The following RYR3 variants were observed in gnomAD, a reference collection of about 807,000 sequenced individuals.
RYR3 encodes brain ryanodine receptor-calcium release channel.
Under a neutral mutation model 584.3 loss-of-function variants are expected in RYR3, and 207 were observed. The ratio of observed to expected loss-of-function variants is 0.35; its 90% CI spans 0.32 to 0.40. The LOEUF is 0.40. Ranked by LOEUF, RYR3 falls within the 10% of genes least tolerant of loss-of-function variation. RYR3 has a pLI of 1.00. For missense variants in RYR3, 5,616 were observed against 6,089.2 expected (o/e 0.92, Z 2.59); for synonymous variants, 2,416 against 2,248.5 (o/e 1.07, Z -2.11).
intron 98 of RYR3, among the ~76,000 whole-genome samples, chr15:33,856,989 G>C (rs1418496472): frequency 6.6e-6 from 1 of 152,078 alleles, no homozygotes; most frequent in Non-Finnish European, 1.5e-5. Context: ...CATTAGAGTA[G>C]AAGCTACATT....
At chr15:33,710,487 G>A (rs1401712445) in intron 43 of RYR3, among the ~76,000 whole-genome samples, 1 of 152,000 alleles carries the variant, frequency 6.6e-6, no homozygotes, top group African/African-American at 2.4e-5. Context: ...GGGACTATAG[G>A]CATGCCAGTG....
At chr15:33,845,994 A>C (rs1204716611) in intron 93 of RYR3, among the ~76,000 whole-genome samples, 1 of 152,204 alleles carries the variant, frequency 6.6e-6, no homozygotes, top group South Asian at 2.1e-4. Flanking sequence ...GCTGGGCTGG[A>C]ATGGCCAAGA....
chr15:33,628,374 G>A, intron 20 of RYR3, 97 bp from the exon 21 acceptor site: 2 of 772,274 alleles, frequency 2.6e-6, no homozygotes, highest in Non-Finnish European at 4.4e-6. Flanking sequence ...AGCTCCTCCT[G>A]GGTGATGTGC....
In RYR3 at chr15:33,738,567, A is replaced by C. The variant is rs761972960; in HGVS notation, c.7633A>C (p.Ile2545Leu). 1 of 1,613,832 alleles carries C rather than the reference A, an allele frequency of 6.2e-7. No homozygotes were observed. Among genetic ancestry groups the C allele is most frequent in the Non-Finnish European group, 8.5e-7 (1 of 1,179,860 alleles). ...CCTAACGGAGAAGCTTTTCTGGGGG[A>C]TTTTTGACTCGCTCTCCCATAAGGT... ...LHLTEKLFWGIFDSLSHKKYD... is the reference protein window; with the variant it reads ...LHLTEKLFWGLFDSLSHKKYD... Residue 2545 changes from isoleucine (I) to leucine (L), a missense_variant, in exon 50 of 104, where the codon ATT (isoleucine) becomes CTT (leucine). Ile to Leu is a conservative substitution (Grantham distance 5). Coordinates refer to ENST00000634891, the MANE Select transcript of RYR3 (RefSeq NM_001036.6).
intron 94 of RYR3, chr15:33,852,154 C>G (rs556054807): frequency 1.3e-5 from 2 of 151,842 alleles, no homozygotes; most frequent in African/African-American, 4.8e-5. Flanking sequence ...GTTCTAGAAC[C>G]AAAAAGAATG....
Position 33,788,680 on chromosome 15 carries a change from C to T in RYR3, c.9830+222C>T, listed in dbSNP as rs566245716. Among the ~76,000 whole-genome samples the T allele has an allele frequency of 6.8e-4, 103 of 152,354 alleles. 1 individual carries two copies. In the South Asian group the frequency reaches 0.021, roughly 31 times the overall value. ...GTATGGTCTGTGACATGGCCATCTC[C>T]TCCATCCTTACGGGCTACCACAGGT... On this transcript the variant is annotated intron_variant, in intron 67 of 103. Coordinates refer to ENST00000634891, the MANE Select transcript of RYR3 (RefSeq NM_001036.6).
At chr15:33,789,114 G>A (rs1314204431) in intron 67 of RYR3, among the ~76,000 whole-genome samples, 4 of 152,104 alleles carry the variant, frequency 2.6e-5, no homozygotes, top group Non-Finnish European at 4.4e-5. Context: ...AGAAAAAAGT[G>A]CGTTTGGGAT....
At chr15:33,382,738 GTA>G (rs1288568049) in intron 1 of RYR3, among the ~76,000 whole-genome samples, 1 of 152,060 alleles carries the variant, frequency 6.6e-6, no homozygotes, top group Non-Finnish European at 1.5e-5. Flanking sequence ...GTAAAATGTT[GTA>G]TATGACATAT....
rs914695194 is a variant in RYR3 at position 33,646,295 on chromosome 15, C to T, written c.3766-56C>T. ...TGCATGTCCACGAGGGAAAAAGGGA[C>T]TGGGTCAAGGTCAGGCCCTTTGGTA... On this transcript the variant is annotated intron_variant, in intron 28 of 103. Transcript: ENST00000634891. The T allele has an allele frequency of 4.7e-6, 7 of 1,474,466 alleles. No homozygotes were observed. The Admixed American group carries it at 1.2e-4, about 26-fold the overall frequency. The allele number at this position is 1,474,466 out of a possible 1,614,324, so 91.3% of individuals were successfully genotyped here. A position where few individuals can be genotyped will look rare whatever the true frequency, so the allele number is the denominator to read the frequency against.
chr15:33,445,996 C>A (rs1178905610), intron 1 of RYR3, among the ~76,000 whole-genome samples: 1 of 152,118 alleles, frequency 6.6e-6, no homozygotes, highest in Non-Finnish European at 1.5e-5. Context: ...CATGAACTCT[C>A]AGGAGTGGCT....
At chr15:33,723,545 C>T (rs2068105367) in intron 44 of RYR3, among the ~76,000 whole-genome samples, 1 of 152,148 alleles carries the variant, frequency 6.6e-6, no homozygotes, top group African/African-American at 2.4e-5. Context: ...AGAGAGTGGG[C>T]ATAACCCAGC....
chr15:33,546,923 C>G (rs1175103983), intron 8 of RYR3, among the ~76,000 whole-genome samples: 1 of 152,186 alleles, frequency 6.6e-6, no homozygotes, highest in Admixed American at 6.5e-5. Context: ...TACAAATTCT[C>G]TACGGTGGAG....
chr15:33,562,340 C>T (rs1006420816), intron 10 of RYR3, among the ~76,000 whole-genome samples: 1 of 152,190 alleles, frequency 6.6e-6, no homozygotes, highest in Non-Finnish European at 1.5e-5. Flanking sequence ...CCTGCGTATT[C>T]AAAGGGTCTC....
At chr15:33,757,692 T>C (rs2071984744) in intron 60 of RYR3, 96 bp downstream of exon 60, 9 of 1,312,836 alleles carry the variant, frequency 6.9e-6, no homozygotes, top group Non-Finnish European at 8.4e-6. Context: ...TTTGGAGAAA[T>C]GAAACTGGAT....
Position 33,739,915 on chromosome 15 carries a change from C to T in RYR3, c.7740C>T (p.Thr2580=), listed in dbSNP as rs749538194. ...AGALPPDYLD[T]RITATLEKQI... is the part of the protein sequence containing the mutation. ...CCTTGCCACCAGATTATTTAGATAC[C>T]AGAATCACAGCCACGTTGGAGAAAC... The change falls in exon 51 of 104, where the codon ACC becomes ACT. Residue 2580 remains threonine, a synonymous_variant. Coordinates refer to ENST00000634891, the MANE Select transcript of RYR3 (RefSeq NM_001036.6). 37 of 1,613,700 alleles carry T rather than the reference C, an allele frequency of 2.3e-5. No individual in the cohort carries two copies. Among genetic ancestry groups the T allele is most frequent in the Non-Finnish European group, 3.1e-5 (36 of 1,179,786 alleles).
At chr15:33,445,481 T>A (rs1163817864) in intron 1 of RYR3, among the ~76,000 whole-genome samples, 1 of 152,166 alleles carries the variant, frequency 6.6e-6, no homozygotes, top group Admixed American at 6.5e-5. Context: ...TGTCTGATTT[T>A]TCCTGATCTA....
At chr15:33,695,158 T>G (rs926284408) in intron 38 of RYR3, among the ~76,000 whole-genome samples, 1 of 152,174 alleles carries the variant, frequency 6.6e-6, no homozygotes, top group Non-Finnish European at 1.5e-5. Flanking sequence ...ATCCATACCT[T>G]GTAGGACTGT....
chr15:33,635,626 T>C lies in RYR3; in HGVS notation c.3188T>C (p.Val1063Ala). The C allele has an allele frequency of 1.2e-6, 2 of 1,613,708 alleles. No individual in the cohort carries two copies. The highest frequency in any genetic ancestry group is 1.7e-6 in the Non-Finnish European group (2 of 1,179,742). The change falls in exon 26 of 104, where the codon GTG (valine) becomes GCG (alanine). Residue 1063 changes from valine (V) to alanine (A), a missense_variant. Physicochemically the swap from Val to Ala is moderately conservative, Grantham distance 64. Coordinates refer to ENST00000634891, the MANE Select transcript of RYR3 (RefSeq NM_001036.6). The part of the protein sequence containing the change: ...PSDQELADSA[V>A]EKVSIDKIRF... Reference sequence around the variant, plus strand: ...CTTCTCACAATAGCTGACTCGGCTGTGGAGAAGGTCAGCATAGACAAGATC... The same window carrying C: ...CTTCTCACAATAGCTGACTCGGCTGCGGAGAAGGTCAGCATAGACAAGATC...
intron 1 of RYR3, among the ~76,000 whole-genome samples, chr15:33,312,414 C>CAG (rs887194298): frequency 2.6e-5 from 4 of 152,106 alleles, no homozygotes; most frequent in Non-Finnish European, 4.4e-5. Flanking sequence ...CCTGCTGGTA[C>CAG]TACTGAGAGG....
Sources: gnomAD v4.1 joint callset for allele counts (sites outside exome capture counted in the v4.1 genomes callset) on GRCh38, gnomAD v4.1.1 for gene constraint, MANE v1.5 for transcripts, NCBI Gene and HGNC (gene_info 2026-07-23, HGNC 2026-07-21) for gene names.